The following NXPH1 variants were observed in gnomAD, a reference collection of about 807,000 sequenced individuals.
NXPH1 encodes the protein neurexophilin 1, also known as neurexophilin-1.
A neutral mutation model predicts 23.7 loss-of-function variants in NXPH1; 5 were observed. The observed-to-expected ratio is 0.21, with a 90% CI of 0.11 to 0.44. The LOEUF (loss-of-function observed/expected upper bound fraction) is 0.44, where lower values mean the gene tolerates loss of function less well. NXPH1 is among the 20% of genes least tolerant of loss of function. The pLI is 0.99. For synonymous variants in NXPH1, 144 were observed against 122.2 expected, an observed-to-expected ratio of 1.18 and a Z score of -1.18; for missense variants, 324 against 321.6, an observed-to-expected ratio of 1.01 and a Z score of -0.06.
rs548047196 is a variant in NXPH1 at position 8,670,095 on chromosome 7, C to T, written c.55-80913C>T. On this transcript the variant is annotated intron_variant, in intron 2 of 2. Coordinates refer to ENST00000405863, the MANE Select transcript of NXPH1 (RefSeq NM_152745.3). ...GAAGATTATCAGTAACCCCTAATGACGTAAACCAATGTCATTTTCTGGGCC... is the reference window on the plus strand; with the variant it reads ...GAAGATTATCAGTAACCCCTAATGATGTAAACCAATGTCATTTTCTGGGCC... 7.2e-5 allele frequency among the ~76,000 whole-genome samples: 11 copies of T among 152,276 alleles called. No homozygotes were observed. The South Asian group carries it at 1.0e-3, about 14-fold the overall frequency.
intron 2 of NXPH1, among the ~76,000 whole-genome samples, chr7:8,647,307 C>A (rs1051479982): frequency 6.4e-4 from 97 of 152,256 alleles, no homozygotes; most frequent in African/African-American, 2.2e-3. Flanking sequence ...CATGGCAAAG[C>A]AGAAGTCAGC....
chr7:8,572,670 G>T (rs1818671024), intron 2 of NXPH1, among the ~76,000 whole-genome samples: 1 of 151,954 alleles, frequency 6.6e-6, no homozygotes, highest in Admixed American at 6.6e-5. Context: ...AAACTCTATT[G>T]CAGGTAGCAT....
At chr7:8,720,744 C>T in intron 2 of NXPH1, among the ~76,000 whole-genome samples, 1 of 152,202 alleles carries the variant, frequency 6.6e-6, no homozygotes, top group South Asian at 2.1e-4. Flanking sequence ...TAATATTTTA[C>T]TCTCTGCAAC....
chr7:8,618,341 GGC>G (rs1819791483), intron 2 of NXPH1, among the ~76,000 whole-genome samples: 2 of 152,092 alleles, frequency 1.3e-5, no homozygotes, highest in African/African-American at 4.8e-5. Flanking sequence ...TGACATCTGT[GGC>G]ACTAATTCTC....
At chr7:8,499,521 G>C (rs1285778665) in intron 2 of NXPH1, among the ~76,000 whole-genome samples, 2 of 152,108 alleles carry the variant, frequency 1.3e-5, no homozygotes, top group Non-Finnish European at 2.9e-5. Context: ...TAAGTAGCTT[G>C]TAGTTTGGTT....
intron 2 of NXPH1, among the ~76,000 whole-genome samples, chr7:8,437,529 C>T (rs1816218072): frequency 6.6e-6 from 1 of 152,180 alleles, no homozygotes; most frequent in Admixed American, 6.5e-5. Flanking sequence ...ACACACACGG[C>T]AAGGGCTTGT....
chr7:8,589,825 GCCACCATCCAATAA>G (rs1819055346), intron 2 of NXPH1, among the ~76,000 whole-genome samples: 1 of 152,100 alleles, frequency 6.6e-6, no homozygotes, highest in South Asian at 2.1e-4. Flanking sequence ...TAGATAGATA[GCCACCATCCAATAA>G]CCACCATCTA....
chr7:8,619,149 G>A (rs921913631), intron 2 of NXPH1, among the ~76,000 whole-genome samples: 7 of 152,112 alleles, frequency 4.6e-5, no homozygotes, highest in African/African-American at 9.7e-5. Flanking sequence ...CTTGGCGAAC[G>A]TTTCTGCTTT....
chr7:8,655,435 T>A (rs1309793928), intron 2 of NXPH1, among the ~76,000 whole-genome samples: 1,438 of 62,256 alleles, frequency 0.023, 39 homozygotes, highest in Admixed American at 0.088. Flanking sequence ...TCTCTCTCTC[T>A]CTCTCTCTCT....
chr7:8,657,375 C>T (rs1820600001), intron 2 of NXPH1, among the ~76,000 whole-genome samples: 1 of 152,262 alleles, frequency 6.6e-6, no homozygotes, highest in African/African-American at 2.4e-5. Context: ...AACTTCCTGC[C>T]TTAGGTTATT....
chr7:8,751,827 G>A lies in NXPH1; in HGVS notation c.*58G>A. On this transcript the variant is annotated 3_prime_UTR_variant, in exon 3 of 3. Coordinates refer to ENST00000405863, the MANE Select transcript of NXPH1 (RefSeq NM_152745.3). The surrounding 1 kb of genome is among the most constrained non-coding windows in gnomAD (Gnocchi z 4.5). ...GAATTAAAGGTCATATGACAGGGCT[G>A]TTACCTCAAAGAAGAAGGTCACATC... The A allele has an allele frequency of 1.4e-6, 2 of 1,479,142 alleles. No homozygotes were observed. The highest frequency in any genetic ancestry group is 2.2e-5 in the Admixed American group (1 of 46,352). The allele number at this position is 1,479,142 out of a possible 1,614,324, so 91.6% of individuals were successfully genotyped here. A position where few individuals can be genotyped will look rare whatever the true frequency, so the allele number is the denominator to read the frequency against.
At chr7:8,528,322 G>C (rs1817897382) in intron 2 of NXPH1, among the ~76,000 whole-genome samples, 1 of 152,238 alleles carries the variant, frequency 6.6e-6, no homozygotes, top group Non-Finnish European at 1.5e-5. Flanking sequence ...GAGCCAGAGT[G>C]GGTGGAAGTG....
rs57178503 is a variant in NXPH1 at position 8,570,401 on chromosome 7, G to A, written c.54+134634G>A. Among the ~76,000 whole-genome samples, 1,819 of 152,058 alleles carry A rather than the reference G, an allele frequency of 0.012. 99 individuals are homozygous for A. In the East Asian group the frequency reaches 0.14, roughly 12 times the overall value. On this transcript the variant is annotated intron_variant, in intron 2 of 2. Transcript: ENST00000405863. ...TTTTGTGCGTTAGTGTCATTGTGAA[G>A]TGAGGGATAGAATAGTACTTACCTT...
At chr7:8,678,134 T>A (rs953847914) in intron 2 of NXPH1, among the ~76,000 whole-genome samples, 4 of 152,168 alleles carry the variant, frequency 2.6e-5, no homozygotes, top group Non-Finnish European at 5.9e-5. Context: ...CTATTTCAAG[T>A]ACTCTCTAAA....
intron 2 of NXPH1, among the ~76,000 whole-genome samples, chr7:8,717,171 T>C (rs1366248581): frequency 6.6e-6 from 1 of 152,224 alleles, no homozygotes; most frequent in Admixed American, 6.5e-5. Context: ...CATACACATA[T>C]AACTTTGGAG....
chr7:8,732,162 C>T (rs7788402), intron 2 of NXPH1, among the ~76,000 whole-genome samples: 30,644 of 152,160 alleles, frequency 0.2, 3,429 homozygotes, highest in East Asian at 0.32. Flanking sequence ...TGACCCCTTG[C>T]GCTTCCTGAG....
intron 2 of NXPH1, among the ~76,000 whole-genome samples, chr7:8,622,250 T>C (rs1303116459): frequency 1.3e-5 from 2 of 152,210 alleles, no homozygotes; most frequent in Non-Finnish European, 2.9e-5. Flanking sequence ...TTTGCATTAT[T>C]ATTTCATTTT....
At chr7:8,697,949 A>G (rs1033337753) in intron 2 of NXPH1, among the ~76,000 whole-genome samples, 2 of 152,194 alleles carry the variant, frequency 1.3e-5, no homozygotes, top group African/African-American at 4.8e-5. Flanking sequence ...GTCATGCAAG[A>G]TAATTTGGAT....
chr7:8,614,828 T>A lies in NXPH1; in HGVS notation c.55-136180T>A, dbSNP rs569766571. On this transcript the variant is annotated intron_variant, in intron 2 of 2. Transcript: ENST00000405863. Reference sequence around the variant, plus strand: ...GTAAAGATTTATCAAAAGGAGAGATTCATTTTGTGGCAGTTATTGTTCTTA... The same window carrying A: ...GTAAAGATTTATCAAAAGGAGAGATACATTTTGTGGCAGTTATTGTTCTTA... Among the ~76,000 whole-genome samples, 275 of 152,212 alleles carry A rather than the reference T, an allele frequency of 1.8e-3. 1 individual carries two copies. The highest frequency in any genetic ancestry group is 6.3e-3 in the African/African-American group (264 of 41,578).
Sources: gnomAD v4.1 joint callset for allele counts (sites outside exome capture counted in the v4.1 genomes callset) on GRCh38, gnomAD v4.1.1 for gene constraint, Gnocchi (gnomAD v3.1) non-coding constraint, MANE v1.5 for transcripts, NCBI Gene and HGNC (gene_info 2026-07-23, HGNC 2026-07-21) for gene names.